MICAL2: variants seen among roughly 807,000 people sequenced by gnomAD.
The protein encoded by MICAL2 is microtubule associated monooxygenase, calponin and LIM domain containing 2.
Under a neutral mutation model 127.3 loss-of-function variants are expected in MICAL2, and 77 were observed. The ratio of observed to expected loss-of-function variants is 0.60; its 90% CI spans 0.50 to 0.73. MICAL2 has a LOEUF of 0.73. Among genes scored for constraint, MICAL2 ranks in the 30% least tolerant of loss-of-function variants. The pLI is 0.00. For synonymous variants in MICAL2, 570 were observed against 551.1 expected (o/e 1.03, Z -0.48); for missense variants, 1,351 against 1,434.4 (o/e 0.94, Z 0.94).
rs774945892 is a variant in MICAL2, at chr11:12,258,460, T to C, written c.3143-8T>C. The C allele has an allele frequency of 1.2e-6, 2 of 1,613,430 alleles. No individual in the cohort carries two copies. Among genetic ancestry groups the C allele is most frequent in the East Asian group, 4.5e-5 (2 of 44,874 alleles). On this transcript the variant is annotated splice_region_variant and splice_polypyrimidine_tract_variant and intron_variant, in intron 24 of 27. Coordinates refer to ENST00000683283, the MANE Select transcript of MICAL2 (RefSeq NM_001282663.2). ...AATTTTTCTGTATGTGTGTGCCTCT[T>C]TTTACAGGCAAATTTTACTGCAAGC...
rs1300435502 is a variant in MICAL2, at chr11:12,286,032, A to T, written c.255-1055A>T. Among the ~76,000 whole-genome samples the T allele has an allele frequency of 2.0e-5, 3 of 152,352 alleles. No individual in the cohort carries two copies. In the East Asian group the frequency reaches 5.8e-4, roughly 29 times the overall value. ...GCATCTGCAGGCCTTGCCTGGGAACAGGGAACACGTGGACCCCACTGCCCA... is the reference window on the plus strand; with the variant it reads ...GCATCTGCAGGCCTTGCCTGGGAACTGGGAACACGTGGACCCCACTGCCCA... On this transcript the variant is annotated intron_variant, in intron 2 of 2. Coordinates refer to the MICAL2 transcript ENST00000529028.
chr11:12,230,041 T>C (rs1028925711), intron 15 of MICAL2, among the ~76,000 whole-genome samples: 1 of 152,242 alleles, frequency 6.6e-6, no homozygotes, highest in African/African-American at 2.4e-5. Flanking sequence ...GGTTGTTTCG[T>C]AAGGCTACTG....
chr11:12,156,880 G>C lies in MICAL2; in HGVS notation c.-77-5199G>C, dbSNP rs995575850. On this transcript the variant is annotated intron_variant, in intron 2 of 27. Coordinates refer to ENST00000683283, the MANE Select transcript of MICAL2 (RefSeq NM_001282663.2). ...GAGCTTTTAGTTTCCTGAGCACCCT[G>C]CGAGTGTGGGGGGAACACCCCACTT... Among the ~76,000 whole-genome samples, 5 of 152,378 alleles carry C rather than the reference G, an allele frequency of 3.3e-5. No homozygotes were observed. In the East Asian group the frequency reaches 9.6e-4, roughly 29 times the overall value.
intron 3 of MICAL2, among the ~76,000 whole-genome samples, chr11:12,183,922 G>A (rs947655892): frequency 6.6e-5 from 10 of 152,114 alleles, no homozygotes; most frequent in Admixed American, 2.0e-4. Flanking sequence ...TGGGACCACC[G>A]GTGTGCACTA....
Position 12,153,267 on chromosome 11 carries a change from G to A in MICAL2, c.-77-8812G>A, listed in dbSNP as rs1176140305. 6 of 152,048 alleles carry A rather than the reference G, an allele frequency of 3.9e-5. No homozygotes were observed. The East Asian group carries it at 9.7e-4, about 25-fold the overall frequency. 9.4% of individuals were successfully genotyped at this position (152,048 alleles called of 1,614,324 possible). ...TTGCCCAGGCTGGTCTTGAACTCTT[G>A]GACTCAAGCAATCCTCCCACCTTGG... On this transcript the variant is annotated intron_variant, in intron 2 of 27. Coordinates refer to ENST00000683283, the MANE Select transcript of MICAL2 (RefSeq NM_001282663.2).
chr11:12,230,932 C>G (rs1590501081), intron 15 of MICAL2, among the ~76,000 whole-genome samples: 2 of 152,216 alleles, frequency 1.3e-5, no homozygotes, highest in Admixed American at 6.5e-5. Context: ...ATATTTTCCT[C>G]TTAAAAGGCC....
chr11:12,211,553 C>T (rs576869997), intron 6 of MICAL2, among the ~76,000 whole-genome samples: 9 of 152,322 alleles, frequency 5.9e-5, no homozygotes, highest in Admixed American at 1.3e-4. Context: ...GTGTGACAGG[C>T]ACCTGGCCTT....
At chr11:12,319,716 A>G (rs1376953299) in exon 30 of MICAL2, 2 of 1,613,800 alleles carry the variant, frequency 1.2e-6, no homozygotes, top group Non-Finnish European at 1.7e-6. Context: ...CTTTCCCCTC[A>G]GAGCACAGGT....
chr11:12,330,793 G>A (rs578093130), intron 32 of MICAL2, among the ~76,000 whole-genome samples: 1 of 148,056 alleles, frequency 6.8e-6, no homozygotes, highest in East Asian at 2.0e-4. Context: ...CGTGGAGAGA[G>A]AGAGAGAGAG....
intron 3 of MICAL2, among the ~76,000 whole-genome samples, chr11:12,201,041 T>C (rs186792549): frequency 5.3e-5 from 8 of 152,316 alleles, no homozygotes; most frequent in Admixed American, 5.2e-4. Context: ...GGAGTCGTGC[T>C]TTGAAATGAC....
At chr11:12,313,091 C>T (rs12804750) in intron 29 of MICAL2, among the ~76,000 whole-genome samples, 59,056 of 142,932 alleles carry the variant, frequency 0.41, 14,502 homozygotes, top group Non-Finnish European at 0.56. Flanking sequence ...TGGCGTGAAC[C>T]GGAGAGGCGG....
intron 29 of MICAL2, among the ~76,000 whole-genome samples, chr11:12,304,447 A>G (rs538070565): frequency 1.3e-5 from 2 of 152,228 alleles, no homozygotes; most frequent in East Asian, 3.9e-4. Context: ...CCTGACCAAC[A>G]TGGAGAAATC....
At chr11:12,267,250 G>A (rs977175715), downstream of MICAL2, among the ~76,000 whole-genome samples, 7 of 152,146 alleles carry the variant, frequency 4.6e-5, no homozygotes, top group African/African-American at 1.2e-4. Flanking sequence ...CCAGCTGCCC[G>A]CTTGCTCCAC....
chr11:12,306,527 T>G (rs2134814917), intron 29 of MICAL2, among the ~76,000 whole-genome samples: 1 of 152,186 alleles, frequency 6.6e-6, no homozygotes, highest in East Asian at 1.9e-4. Flanking sequence ...GTTTTTACAA[T>G]TGTATATAGT....
chr11:12,357,069 A>G (rs1424850428), intron 34 of MICAL2, among the ~76,000 whole-genome samples: 2 of 152,158 alleles, frequency 1.3e-5, no homozygotes, highest in Non-Finnish European at 2.9e-5. Context: ...CTTTCTTCTT[A>G]AAACTTGAGG....
At chr11:12,342,929 C>G (rs1938890717) in intron 32 of MICAL2, among the ~76,000 whole-genome samples, 1 of 152,112 alleles carries the variant, frequency 6.6e-6, no homozygotes, top group Non-Finnish European at 1.5e-5. Context: ...CGGGAGGGGG[C>G]AGGGAGCTGA....
intron 7 of MICAL2, among the ~76,000 whole-genome samples, chr11:12,214,823 TCACACACACACA>T (rs72173748): frequency 3.3e-5 from 5 of 149,328 alleles, no homozygotes; most frequent in Admixed American, 6.7e-5. Context: ...AGCTGGTCCA[TCACACACACACA>T]CACACACACA....
rs529390817 is a variant in MICAL2, at chr11:12,213,302, G to A, written c.739G>A (p.Ala247Thr). 44 of 1,613,204 alleles carry A rather than the reference G, an allele frequency of 2.7e-5. No individual in the cohort carries two copies. Among genetic ancestry groups the A allele is most frequent in the Admixed American group, 3.3e-5 (2 of 59,974 alleles). Reference protein sequence around the residue: ...FRGKLAIAITANFINRNSTAE... With the variant: ...FRGKLAIAITTNFINRNSTAE... ...TGGGAAGCTGGCGATTGCCATCACCGCCAACTTCATAAACAGAAACAGCAC... is the reference window on the plus strand; with the variant it reads ...TGGGAAGCTGGCGATTGCCATCACCACCAACTTCATAAACAGAAACAGCAC... Residue 247 changes from alanine to threonine, a missense_variant, in exon 7 of 28, where the codon GCC becomes ACC. By Grantham distance (58) the Ala-to-Thr change is moderately conservative. This residue lies in a region of MICAL2 where 599 missense variants were observed against 714.9 expected (regional missense o/e 0.84). Transcript: ENST00000683283.
downstream of MICAL2, among the ~76,000 whole-genome samples, chr11:12,268,428 C>T (rs974950712): frequency 5.9e-5 from 9 of 152,236 alleles, no homozygotes; most frequent in Non-Finnish European, 1.3e-4. Flanking sequence ...CACACACATC[C>T]TCTGTCCCCT....
Sources: gnomAD v4.1 joint callset for allele counts (sites outside exome capture counted in the v4.1 genomes callset) on GRCh38, gnomAD v4.1.1 for gene constraint, gnomAD v4.1.1 regional missense constraint, MANE v1.5 for transcripts, NCBI Gene and HGNC (gene_info 2026-07-23, HGNC 2026-07-21) for gene names.